Variants in MAPT observed in about 807,000 individuals in gnomAD.
The protein encoded by MAPT is microtubule associated protein tau.
Under a neutral mutation model 67.9 loss-of-function variants are expected in MAPT, and 34 were observed. The ratio of observed to expected loss-of-function variants is 0.50; its 90% confidence interval spans 0.38 to 0.67. The LOEUF (loss-of-function observed/expected upper bound fraction) is 0.67, where lower values mean the gene tolerates loss of function less well. Ranked by LOEUF, MAPT falls within the 30% of genes least tolerant of loss-of-function variation. MAPT has a pLI of 0.00. For synonymous variants in MAPT, 456 were observed against 464.5 expected, an observed-to-expected ratio of 0.98 and a Z score of 0.23; for missense variants, 881 against 1,115.2, an observed-to-expected ratio of 0.79 and a Z score of 2.99.
intron 2 of MAPT, among the ~76,000 whole-genome samples, chr17:45,963,929 G>A (rs1004802115): frequency 6.6e-6 from 1 of 152,190 alleles, no homozygotes; most frequent in Non-Finnish European, 1.5e-5. Flanking sequence ...GTGGGTGCAG[G>A]TGGGTTGGGG....
intron 1 of MAPT, among the ~76,000 whole-genome samples, chr17:45,905,641 T>C (rs1195911783): frequency 6.6e-6 from 1 of 152,208 alleles, no homozygotes; most frequent in Non-Finnish European, 1.5e-5. Context: ...TGTGGGCCCC[T>C]GTTATCACTG....
intron 1 of MAPT, among the ~76,000 whole-genome samples, chr17:45,919,356 C>G (rs905013855): frequency 1.3e-4 from 20 of 152,316 alleles, no homozygotes; most frequent in Non-Finnish European, 2.8e-4. Flanking sequence ...GGGCGCCCCC[C>G]CCGCCTGCCC....
Position 45,996,173 on chromosome 17 carries a change from C to T in MAPT, c.1733-226C>T, listed in dbSNP as rs1209821450. On this transcript the variant is annotated intron_variant, in intron 8 of 12. Transcript: ENST00000262410. The surrounding 1 kb of genome is among the most constrained non-coding windows in gnomAD (Gnocchi z 4.5). The stretch of plus-strand genomic sequence containing the variant: ...TATTGGATGGTGGTTGATGGTTTTC[C>T]ATTGCTTTCCTGGGAAAGGGGTGTC... Among the ~76,000 whole-genome samples, 2 of 152,126 alleles carry T rather than the reference C, an allele frequency of 1.3e-5. No individual in the cohort carries two copies. Among genetic ancestry groups the T allele is most frequent in the East Asian group, 1.9e-4 (1 of 5,182 alleles).
chr17:45,968,043 G>A (rs1391746899), intron 2 of MAPT, among the ~76,000 whole-genome samples: 7 of 151,824 alleles, frequency 4.6e-5, no homozygotes, highest in South Asian at 2.1e-4. Flanking sequence ...TACACCCTCC[G>A]CCCTTCATCC....
intron 1 of MAPT, among the ~76,000 whole-genome samples, chr17:45,945,369 G>A (rs149930426): frequency 7.0e-4 from 106 of 152,350 alleles, no homozygotes; most frequent in African/African-American, 2.4e-3. Context: ...AGGGATCGAA[G>A]ATGTAAAAGC....
chr17:45,939,789 G>T lies in MAPT; in HGVS notation c.-17-22532G>T, dbSNP rs545829468. Among the ~76,000 whole-genome samples, 11 of 152,244 alleles carry T rather than the reference G, an allele frequency of 7.2e-5. No individual in the cohort carries two copies. In the East Asian group the frequency reaches 1.7e-3, roughly 24 times the overall value. On this transcript the variant is annotated intron_variant, in intron 1 of 12. Transcript: ENST00000262410. ...ACAGCCACTCTCCAGTGTCCTTGGG[G>T]CTACGTCTGAGGAGAACCTGGGATT...
chr17:45,946,616 ATATATATATATAT>A (rs1568215786), intron 1 of MAPT, among the ~76,000 whole-genome samples: 3 of 86,984 alleles, frequency 3.4e-5, no homozygotes, highest in African/African-American at 5.4e-5. Flanking sequence ...AAAAAAAAAA[ATATATATATATAT>A]ATATATATAT....
intron 3 of MAPT, chr17:45,974,155 G>A (rs1424756666): frequency 5.2e-6 from 3 of 579,616 alleles, no homozygotes; most frequent in African/African-American, 1.9e-5. Context: ...GGGCTTTCCT[G>A]GTGGATGAGC....
Position 45,968,946 on chromosome 17 carries a change from G to T in MAPT, c.134-2913G>T, listed in dbSNP as rs143071448. ...GCTACTACTATGCCCATTATACAGG[G>T]GAGAAAACTGAGGCAGAGAGAGGTT... is the stretch of plus-strand genomic sequence containing the variant. On this transcript the variant is annotated intron_variant, in intron 2 of 12. Transcript: ENST00000262410. Among the ~76,000 whole-genome samples, 132 of 152,330 alleles carry T rather than the reference G, an allele frequency of 8.7e-4. 1 individual carries two copies. Among genetic ancestry groups the T allele is most frequent in the African/African-American group, 3.0e-3 (124 of 41,576 alleles).
At chr17:46,001,189 A>G (rs2074969591) in intron 9 of MAPT, among the ~76,000 whole-genome samples, 1 of 152,136 alleles carries the variant, frequency 6.6e-6, no homozygotes, top group South Asian at 2.1e-4. Context: ...TGTTCACACC[A>G]CTGAACGCCA....
intron 1 of MAPT, among the ~76,000 whole-genome samples, chr17:45,941,684 T>TTCCTTCCC (rs2067939397): frequency 1.9e-5 from 1 of 51,418 alleles, no homozygotes; most frequent in Non-Finnish European, 3.4e-5. Context: ...CCTTCCCTCC[T>TTCCTTCCC]TCCTTCCTTC....
In MAPT at chr17:45,974,142, G is replaced by A. The variant is rs1044293091; in HGVS notation, c.220+2197G>A. On this transcript the variant is annotated intron_variant, in intron 3 of 12. Transcript: ENST00000262410. Reference sequence around the variant, plus strand: ...TTCACTGCAGCGTTTACACAGGGCTGCCGGGCTTTCCTGGTGGATGAGCTG... The same window carrying A: ...TTCACTGCAGCGTTTACACAGGGCTACCGGGCTTTCCTGGTGGATGAGCTG... 1.1e-4 allele frequency: 61 copies of A among 570,286 alleles called. 1 individual carries two copies. The highest frequency in any genetic ancestry group is 9.2e-4 in the Admixed American group (31 of 33,714). 35.3% of individuals were successfully genotyped at this position (570,286 alleles called of 1,614,324 possible).
At chr17:45,998,126 C>T (rs562055910) in intron 9 of MAPT, among the ~76,000 whole-genome samples, 3 of 152,216 alleles carry the variant, frequency 2.0e-5, no homozygotes, top group South Asian at 4.1e-4. Context: ...TTGCCTCCCC[C>T]ACGCAGGCGC....
intron 3 of MAPT, chr17:45,974,380 T>C (rs769187450): frequency 6.3e-7 from 1 of 1,590,504 alleles, no homozygotes; most frequent in Non-Finnish European, 8.5e-7. Context: ...CTCGGTGGTT[T>C]CTAGATGTGA....
chr17:45,999,884 A>G (rs1363050118), intron 9 of MAPT, among the ~76,000 whole-genome samples: 11 of 152,230 alleles, frequency 7.2e-5, no homozygotes. Context: ...CTCAGCCATA[A>G]CAAAGACCAA....
chr17:45,997,840 C>G (rs1260603848), intron 9 of MAPT, among the ~76,000 whole-genome samples: 1 of 152,118 alleles, frequency 6.6e-6, no homozygotes, highest in Non-Finnish European at 1.5e-5. Context: ...TTAGTCACCT[C>G]TCTAAAGGCC....
chr17:45,939,559 G>A (rs1470017697), intron 1 of MAPT, among the ~76,000 whole-genome samples: 2 of 152,210 alleles, frequency 1.3e-5, no homozygotes, highest in African/African-American at 4.8e-5. Context: ...TCCCTGGAAA[G>A]TGCTATGCAA....
chr17:45,963,562 C>A (rs1014754674), intron 2 of MAPT, among the ~76,000 whole-genome samples: 1 of 152,206 alleles, frequency 6.6e-6, no homozygotes, highest in Non-Finnish European at 1.5e-5. Context: ...GGACTCAGTC[C>A]CTGCCTCCAT....
At chr17:45,936,831 C>A (rs1316865785) in intron 1 of MAPT, among the ~76,000 whole-genome samples, 1 of 152,202 alleles carries the variant, frequency 6.6e-6, no homozygotes, top group Admixed American at 6.5e-5. Context: ...TTCAGGCCAA[C>A]CGCAGGTGTG....
Sources: gnomAD v4.1 joint callset for allele counts (sites outside exome capture counted in the v4.1 genomes callset) on GRCh38, gnomAD v4.1.1 for gene constraint, Gnocchi (gnomAD v3.1) non-coding constraint, MANE v1.5 for transcripts, NCBI Gene and HGNC (gene_info 2026-07-23, HGNC 2026-07-21) for gene names.